The following SVEP1 variants were observed in gnomAD, a reference collection of about 807,000 sequenced individuals.
SVEP1 encodes the protein sushi, von Willebrand factor type A, EGF and pentraxin domain containing 1.
Under a neutral mutation model 367.3 loss-of-function variants are expected in SVEP1, and 164 were observed. The observed-to-expected ratio is 0.45, with a 90% CI of 0.39 to 0.51. The LOEUF (loss-of-function observed/expected upper bound fraction) is 0.51, where lower values mean the gene tolerates loss of function less well. SVEP1 is among the 20% of genes least tolerant of loss of function. SVEP1 has a pLI of 0.00. For synonymous variants in SVEP1, 1,666 were observed against 1,611.6 expected, an observed-to-expected ratio of 1.03 and a Z score of -0.81; for missense variants, 4,117 against 4,425.3, an observed-to-expected ratio of 0.93 and a Z score of 1.98.
Position 110,447,018 on chromosome 9 carries a change from T to C in SVEP1, c.4143A>G (p.Glu1381=). ...CAAGFTGSHC[E]LNINECQSNP... The stretch of plus-strand genomic sequence containing the variant: ...TAGACTGACATTCATTGATGTTCAA[T>C]TCACAGTGTGATCCTGTGAAGCCAG... The change falls in exon 25 of 48, where the codon GAA becomes GAG. Residue 1381 remains glutamate (E), a synonymous_variant. Transcript: ENST00000374469. 1 of 1,541,370 alleles carries C rather than the reference T, an allele frequency of 6.5e-7. No homozygotes were observed. The highest frequency in any genetic ancestry group is 2.0e-5 in the Admixed American group (1 of 49,624).
intron 47 of SVEP1, among the ~76,000 whole-genome samples, chr9:110,369,210 T>A (rs1827241464): frequency 1.3e-5 from 2 of 152,186 alleles, no homozygotes; most frequent in South Asian, 2.1e-4. Flanking sequence ...ACAATATGGC[T>A]GATATTTTCC....
chr9:110,455,574 G>A lies in SVEP1; in HGVS notation c.3787+16C>T, dbSNP rs1431220181. 1 of 1,582,920 alleles carries A rather than the reference G, an allele frequency of 6.3e-7. No homozygotes were observed. The highest frequency in any genetic ancestry group is 1.4e-5 in the African/African-American group (1 of 73,818). The stretch of plus-strand genomic sequence containing the variant: ...CAAAGATTTATATTGTTGAAAACAG[G>A]AGACCTTCCCCTTACCTGTGTAACC... On this transcript the variant is annotated intron_variant, in intron 22 of 47. Transcript: ENST00000374469.
chr9:110,396,259 A>G (rs1245508204), intron 40 of SVEP1, among the ~76,000 whole-genome samples: 1 of 151,454 alleles, frequency 6.6e-6, no homozygotes, highest in East Asian at 1.9e-4. Flanking sequence ...CTGGGTACAT[A>G]ACGAAATGAA....
At chr9:110,381,078 AT>A (rs977434823) in intron 43 of SVEP1, among the ~76,000 whole-genome samples, 5 of 152,058 alleles carry the variant, frequency 3.3e-5, no homozygotes, top group African/African-American at 1.2e-4. Context: ...TCCCTTTATC[AT>A]TTTTATTGTC....
chr9:110,571,062 G>T (rs6415810), intron 1 of SVEP1, among the ~76,000 whole-genome samples: 32 of 149,148 alleles, frequency 2.1e-4, no homozygotes, highest in South Asian at 4.2e-4. Context: ...CTGCAACCTC[G>T]GCCTCCCAGG....
chr9:110,434,617 A>T, intron 29 of SVEP1, 111 bp from the exon 30 acceptor site: 3 of 811,344 alleles, frequency 3.7e-6, no homozygotes, highest in Non-Finnish European at 5.1e-6. Context: ...CACCTTACTG[A>T]TGTGAAAACA....
Position 110,546,286 on chromosome 9 carries a change from G to T in SVEP1, c.793C>A (p.Pro265Thr), listed in dbSNP as rs1365756981. 5.7e-6 allele frequency: 9 copies of T among 1,585,810 alleles called. No individual in the cohort carries two copies. The highest frequency in any genetic ancestry group is 2.7e-5 in the African/African-American group (2 of 74,366). Residue 265 changes from proline to threonine, a missense_variant, in exon 3 of 48, where the codon CCT (proline) becomes ACT (threonine). Coordinates refer to ENST00000374469, the MANE Select transcript of SVEP1 (RefSeq NM_153366.4). ...LARRALHEDL[P>T]SGSFIQDDMV... is the part of the protein sequence containing the mutation. ...TCATCTTGAATAAAACTCCCAGAAG[G>T]TAGATCTACAAATAACATATGACAG...
chr9:110,492,798 C>T (rs1308754964), intron 8 of SVEP1, among the ~76,000 whole-genome samples: 1 of 152,050 alleles, frequency 6.6e-6, no homozygotes, highest in Non-Finnish European at 1.5e-5. Context: ...AGACCAGCAT[C>T]CCATTCCCAG....
chr9:110,374,326 T>C (rs760948206), intron 46 of SVEP1, among the ~76,000 whole-genome samples: 70 of 152,262 alleles, frequency 4.6e-4, no homozygotes, highest in Middle Eastern at 6.8e-3. Flanking sequence ...GATCTCGTTC[T>C]TTTTTATGGC....
intron 1 of SVEP1, among the ~76,000 whole-genome samples, chr9:110,571,122 A>G (rs553460043): frequency 6.6e-6 from 1 of 151,718 alleles, no homozygotes; most frequent in Non-Finnish European, 1.5e-5. Context: ...GATTACTGGC[A>G]TGTGCCACCA....
intron 16 of SVEP1, 149 bp from the exon 17 acceptor site, chr9:110,469,250 G>A: frequency 5.7e-6 from 4 of 705,822 alleles, no homozygotes; most frequent in Middle Eastern, 3.8e-4. Flanking sequence ...TTATTCACAA[G>A]GTAAACCTTT....
At chr9:110,398,583 A>T (rs568518182) in intron 40 of SVEP1, among the ~76,000 whole-genome samples, 1 of 152,330 alleles carries the variant, frequency 6.6e-6, no homozygotes, top group East Asian at 1.9e-4. Flanking sequence ...AAATTTTTCC[A>T]GCCTACTCAT....
At chr9:110,510,306 C>T (rs1485053140) in intron 5 of SVEP1, among the ~76,000 whole-genome samples, 1 of 152,208 alleles carries the variant, frequency 6.6e-6, no homozygotes, top group Non-Finnish European at 1.5e-5. Context: ...TCTGATCCTC[C>T]CACTCCTCTT....
Position 110,379,501 on chromosome 9 carries a change from T to C in SVEP1, c.10254A>G (p.Pro3418=), listed in dbSNP as rs1342577838. The stretch of plus-strand genomic sequence containing the variant: ...CAATTGCATTTTCTACGTGAGCTGG[T>C]GGACCACATGAGATTTCTACAGGAT... The part of the protein sequence containing the change: ...SAKCEKISCG[P]PAHVENAIAR... The change falls in exon 44 of 48, where the codon CCA becomes CCG. Residue 3418 remains proline (P), a synonymous_variant. Coordinates refer to ENST00000374469, the MANE Select transcript of SVEP1 (RefSeq NM_153366.4). The C allele has an allele frequency of 6.8e-6, 11 of 1,613,586 alleles. No homozygotes were observed. Among genetic ancestry groups the C allele is most frequent in the Non-Finnish European group, 9.3e-6 (11 of 1,179,738 alleles).
intron 38 of SVEP1, among the ~76,000 whole-genome samples, chr9:110,405,931 C>CTA (rs1827947311): frequency 1.3e-5 from 2 of 152,132 alleles, no homozygotes; most frequent in Non-Finnish European, 2.9e-5. Flanking sequence ...ATATGATAGT[C>CTA]ATGATAATTA....
chr9:110,434,333 C>A lies in SVEP1; in HGVS notation c.5059+3G>T. ...TGAAATGGCTTCAAGAAAGGCAGCTCACGTTCACAGTGAGGAAGTGGTTGT... is the reference window on the plus strand; with the variant it reads ...TGAAATGGCTTCAAGAAAGGCAGCTAACGTTCACAGTGAGGAAGTGGTTGT... On this transcript the variant is annotated splice_donor_region_variant and intron_variant, in intron 30 of 47. Coordinates refer to ENST00000374469, the MANE Select transcript of SVEP1 (RefSeq NM_153366.4). 6.3e-7 allele frequency: 1 copy of A among 1,588,280 alleles called. No individual in the cohort carries two copies.
chr9:110,381,529 T>A (rs1827436683), intron 43 of SVEP1, among the ~76,000 whole-genome samples: 4 of 152,194 alleles, frequency 2.6e-5, no homozygotes, highest in Non-Finnish European at 5.9e-5. Context: ...TGAGTTCTAA[T>A]TTTTGATTGA....
At chr9:110,424,759 C>T (rs967977091) in intron 36 of SVEP1, among the ~76,000 whole-genome samples, 1 of 152,148 alleles carries the variant, frequency 6.6e-6, no homozygotes, top group Non-Finnish European at 1.5e-5. Flanking sequence ...ACTGCAACCT[C>T]CGCCTCTGAG....
chr9:110,400,657 G>T (rs773739863), intron 40 of SVEP1, among the ~76,000 whole-genome samples, 197 bp downstream of exon 40: 3 of 152,080 alleles, frequency 2.0e-5, no homozygotes, highest in African/African-American at 4.8e-5. Context: ...ATGAGCCACC[G>T]CACCCAGTTT....
Sources: gnomAD v4.1 joint callset for allele counts (sites outside exome capture counted in the v4.1 genomes callset) on GRCh38, gnomAD v4.1.1 for gene constraint, MANE v1.5 for transcripts, NCBI Gene and HGNC (gene_info 2026-07-23, HGNC 2026-07-21) for gene names.